The following LGALS4 variants were observed in gnomAD, a reference collection of about 807,000 sequenced individuals.
LGALS4 encodes the protein galectin 4, also known as galectin-4.
LGALS4 carries 37 observed loss-of-function variants against 39.6 expected under a neutral mutation model. The observed-to-expected ratio is 0.93, with a 90% confidence interval of 0.72 to 1.23. The LOEUF is 1.23. Among genes scored for constraint, LGALS4 ranks in the 50% most tolerant of loss-of-function variants. The pLI is 0.00. For missense variants in LGALS4, 397 were observed against 433.2 expected (o/e 0.92, Z 0.74); for synonymous variants, 160 against 165.5 (o/e 0.97, Z 0.25).
intron 7 of LGALS4, 109 bp from the exon 8 acceptor site, chr19:38,802,513 G>T: frequency 1.2e-6 from 1 of 804,362 alleles, no homozygotes; most frequent in East Asian, 2.6e-5. Context: ...TTTCTTATAA[G>T]AGATGGGGTC....
At chr19:38,802,639 C>T (rs1050311445) in intron 7 of LGALS4, among the ~76,000 whole-genome samples, 6 of 151,762 alleles carry the variant, frequency 4.0e-5, no homozygotes, top group Admixed American at 3.3e-4. Flanking sequence ...GGATTACAGG[C>T]GTGAGCCACC....
intron 4 of LGALS4, among the ~76,000 whole-genome samples, chr19:38,804,637 TCAGCCAGC>T (rs1971401112): frequency 6.6e-6 from 1 of 152,056 alleles, no homozygotes; most frequent in East Asian, 1.9e-4. Context: ...ACTTCTATTC[TCAGCCAGC>T]TATTCTGAAG....
At chr19:38,805,166 AAAT>A (rs3993040) in intron 4 of LGALS4, among the ~76,000 whole-genome samples, 20,576 of 120,800 alleles carry the variant, frequency 0.17, 1,664 homozygotes, top group Middle Eastern at 0.25. Flanking sequence ...CCTGCCTCAA[AAAT>A]AATAATAATA....
rs116481085 is a variant in LGALS4 at position 38,802,883 on chromosome 19, G to C, written c.571-479C>G. The C allele has an allele frequency of 3.3e-3, 555 of 166,740 alleles. 5 individuals are homozygous for C. The highest frequency in any genetic ancestry group is 0.013 in the African/African-American group (522 of 41,500). The allele number at this position is 166,740 out of a possible 1,614,324, so 10.3% of individuals were successfully genotyped here. ...AGTAGAGACGGGGATTCATCATGTT[G>C]ACCAGGCTGATCTGGAACTCTTGAC... On this transcript the variant is annotated intron_variant, in intron 7 of 9. Transcript: ENST00000307751.
intron 3 of LGALS4, among the ~76,000 whole-genome samples, chr19:38,808,285 G>A (rs935175987): frequency 7.9e-5 from 12 of 151,680 alleles, no homozygotes; most frequent in African/African-American, 2.7e-4. Flanking sequence ...AGGAAGGAGG[G>A]GAGGAAAGAG....
At chr19:38,812,710 G>A (rs1180689255) in intron 1 of LGALS4, 132 bp downstream of exon 1, 1 of 1,068,706 alleles carries the variant, frequency 9.4e-7, no homozygotes, top group Admixed American at 1.8e-5. Flanking sequence ...AGTAAATCGA[G>A]GGTCGGGGTC....
rs199935607 is a variant in LGALS4 at position 38,812,892 on chromosome 19, G to C, written c.-6C>G. On this transcript the variant is annotated 5_prime_UTR_variant, in exon 1 of 10. Transcript: ENST00000307751. Reference sequence around the variant, plus strand: ...GGTGCGGGGACATAGGCCATCGCTCGAGGCTGCGCTAGTGGCTGGTCCTGT... The same window carrying C: ...GGTGCGGGGACATAGGCCATCGCTCCAGGCTGCGCTAGTGGCTGGTCCTGT... The C allele has an allele frequency of 3.6e-5, 58 of 1,611,572 alleles. No homozygotes were observed. The East Asian group carries it at 4.2e-4, about 12-fold the overall frequency.
At chr19:38,810,668 G>A (rs1398327799) in intron 2 of LGALS4, among the ~76,000 whole-genome samples, 2 of 151,872 alleles carry the variant, frequency 1.3e-5, no homozygotes, top group African/African-American at 4.8e-5. Flanking sequence ...AGCCAGATGC[G>A]ATTTTGCCAT....
At chr19:38,808,623 C>CAAAAAAAA (rs371371385) in intron 3 of LGALS4, 121 bp downstream of exon 3, 14 of 539,862 alleles carry the variant, frequency 2.6e-5, no homozygotes, top group Admixed American at 4.1e-5. Flanking sequence ...AACTCCATCT[C>CAAAAAAAA]AAAAAAAAAA....
Position 38,808,735 on chromosome 19 carries a change from C to T in LGALS4, c.339+9G>A, listed in dbSNP as rs1207314583. 6.2e-7 allele frequency: 1 copy of T among 1,611,962 alleles called. No homozygotes were observed. The highest frequency in any genetic ancestry group is 2.2e-5 in the East Asian group (1 of 44,824). Reference sequence around the variant, plus strand: ...CCAGCTTGGGAAACAAGAGAGAAAGCATGCAGACCTTGTAGTGCTCAGCCA... The same window carrying T: ...CCAGCTTGGGAAACAAGAGAGAAAGTATGCAGACCTTGTAGTGCTCAGCCA... On this transcript the variant is annotated intron_variant, in intron 3 of 9. Transcript: ENST00000307751.
chr19:38,808,875 C>T lies in LGALS4; in HGVS notation c.208G>A (p.Gly70Ser), dbSNP rs747883140. Residue 70 changes from glycine (G) to serine (S), a missense_variant, in exon 3 of 10, where the codon GGC (glycine) becomes AGC (serine). Gly to Ser is a moderately conservative substitution (Grantham distance 56). Transcript: ENST00000307751. The part of the protein sequence containing the change: ...VAFHFNPRFD[G>S]WDKVVFNTLQ... The stretch of plus-strand genomic sequence containing the variant: ...GTGTTGAAGACCACCTTGTCCCAGC[C>T]GTCAAACCGCGGATTGAAGTGGAAG... 2.0e-5 allele frequency: 33 copies of T among 1,614,042 alleles called. No homozygotes were observed. Among genetic ancestry groups the T allele is most frequent in the East Asian group, 8.9e-5 (4 of 44,896 alleles).
intron 2 of LGALS4, 118 bp downstream of exon 2, chr19:38,812,313 G>GA: frequency 1.2e-6 from 1 of 811,380 alleles, no homozygotes. Context: ...GGGTGGGGCA[G>GA]AAAAAGAGTC....
rs756806568 is a variant in LGALS4, at chr19:38,812,415, T to C, written c.134+16A>G. 6.2e-7 allele frequency: 1 copy of C among 1,612,060 alleles called. No homozygotes were observed. The highest frequency in any genetic ancestry group is 8.5e-7 in the Non-Finnish European group (1 of 1,178,448). On this transcript the variant is annotated intron_variant, in intron 2 of 9. Transcript: ENST00000307751. ...AAGTCCCCTGCCAGCCCGGCCTGGC[T>C]TGGGGAGGGTCTTACCGCTTCATGT... is the stretch of plus-strand genomic sequence containing the variant.
At chr19:38,806,630 C>T (rs1179287185) in intron 3 of LGALS4, 35 bp from the exon 4 acceptor site, 1 of 1,610,414 alleles carries the variant, frequency 6.2e-7, no homozygotes, top group Admixed American at 1.7e-5. Flanking sequence ...GGAGTCAGCA[C>T]CCATGATCCT....
chr19:38,802,520 G>A (rs924982770), intron 7 of LGALS4, 116 bp from the exon 8 acceptor site: 9 of 744,578 alleles, frequency 1.2e-5, no homozygotes, highest in African/African-American at 1.1e-4. Context: ...TAAGAGATGG[G>A]GTCTTACTCT....
Position 38,808,790 on chromosome 19 carries a change from C to T in LGALS4, c.293G>A (p.Gly98Asp). ...TATGAAGACCAGCTCAAAGGCGGCA[C>T]CCTTTTTGAAGGGCATGCTCCTCTT... ...ERKRSMPFKK[G>D]AAFELVFIVL... The change falls in exon 3 of 10, where the codon GGT becomes GAT. Residue 98 changes from glycine (G) to aspartate (D), a missense_variant. Physicochemically the swap from Gly to Asp is moderately conservative, Grantham distance 94. Transcript: ENST00000307751. 5.6e-6 allele frequency: 9 copies of T among 1,614,182 alleles called. No homozygotes were observed. The highest frequency in any genetic ancestry group is 1.1e-5 in the South Asian group (1 of 91,086).
intron 2 of LGALS4, among the ~76,000 whole-genome samples, chr19:38,810,354 CTTTTTTTTTTTT>C (rs761533885): frequency 2.2e-5 from 2 of 92,876 alleles, no homozygotes; most frequent in Admixed American, 1.2e-4. Context: ...GAGATTTCGC[CTTTTTTTTTTTT>C]TTTTTTTTTT....
chr19:38,802,362 G>A lies in LGALS4; in HGVS notation c.613C>T (p.Arg205Ter). Residue 205 changes from arginine to a stop codon, truncating the protein, a stop_gained, in exon 8 of 10, where the codon CGA becomes TGA. Transcript: ENST00000307751. LOFTEE classifies it high-confidence loss of function. Reference sequence around the variant, plus strand: ...TAGCCCTTGATGATGATGGTTCTTCGAGCTGTGAGCCCTCCTTGCAGCCTC... The same window carrying A: ...TAGCCCTTGATGATGATGGTTCTTCAAGCTGTGAGCCCTCCTTGCAGCCTC... ...FGRLQGGLTA[R>*]RTIIIKGYVP... 3.7e-6 allele frequency: 6 copies of A among 1,614,214 alleles called. No homozygotes were observed. Among genetic ancestry groups the A allele is most frequent in the South Asian group, 1.1e-5 (1 of 91,088 alleles).
At chr19:38,805,114 T>G (rs867444083) in intron 4 of LGALS4, among the ~76,000 whole-genome samples, 65 of 150,554 alleles carry the variant, frequency 4.3e-4, no homozygotes, top group African/African-American at 1.5e-3. Context: ...CAGTAGGCTG[T>G]GATTGCACCA....
Sources: gnomAD v4.1 joint callset for allele counts (sites outside exome capture counted in the v4.1 genomes callset) on GRCh38, gnomAD v4.1.1 for gene constraint, MANE v1.5 for transcripts, NCBI Gene and HGNC (gene_info 2026-07-23, HGNC 2026-07-21) for gene names.